Variants in MRC1 observed in about 807,000 individuals in gnomAD.
The protein encoded by MRC1 is macrophage mannose receptor 1.
In MRC1, 62 loss-of-function variants were observed where a neutral mutation model predicts 102.9. The observed-to-expected ratio is 0.60, with a 90% CI of 0.49 to 0.74. The LOEUF (loss-of-function observed/expected upper bound fraction) is 0.74. MRC1 is among the 30% of genes least tolerant of loss of function. The pLI is 0.00. For missense variants in MRC1, 1,237 were observed against 862.8 expected, an observed-to-expected ratio of 1.43 and a Z score of -5.43; for synonymous variants, 457 against 298.4, an observed-to-expected ratio of 1.53 and a Z score of -5.48.
At chr10:17,870,065 A>G (rs35197755) in intron 12 of MRC1, among the ~76,000 whole-genome samples, 181 bp from the exon 13 acceptor site, 3,751 of 152,276 alleles carry the variant, frequency 0.025, 155 homozygotes, top group East Asian at 0.22. Context: ...GAATCCCCCA[A>G]GTTTTGTTAC....
intron 25 of MRC1, among the ~76,000 whole-genome samples, chr10:17,901,411 G>A (rs1255620601): frequency 1.3e-5 from 2 of 152,184 alleles, no homozygotes; most frequent in South Asian, 2.1e-4. Context: ...TCTTTGGGCC[G>A]GGTGCGGTGG....
intron 22 of MRC1, among the ~76,000 whole-genome samples, chr10:17,892,787 A>G (rs1362455337): frequency 2.6e-5 from 4 of 152,168 alleles, no homozygotes; most frequent in Admixed American, 1.3e-4. Flanking sequence ...TGAGGTGGGC[A>G]GTTCACGAGG....
intron 10 of MRC1, among the ~76,000 whole-genome samples, 155 bp downstream of exon 10, chr10:17,861,657 A>G (rs1833185530): frequency 6.6e-6 from 1 of 152,218 alleles, no homozygotes; most frequent in Non-Finnish European, 1.5e-5. Flanking sequence ...TCTTATTTGG[A>G]TTCTTCATTG....
intron 6 of MRC1, among the ~76,000 whole-genome samples, chr10:17,848,437 CA>C (rs1838859334): frequency 6.6e-6 from 1 of 152,158 alleles, no homozygotes; most frequent in African/African-American, 2.4e-5. Context: ...CATCTGCCTT[CA>C]AATGTCTTTA....
intron 5 of MRC1, among the ~76,000 whole-genome samples, chr10:17,844,495 C>T (rs1191620447): frequency 6.6e-6 from 1 of 152,182 alleles, no homozygotes; most frequent in African/African-American, 2.4e-5. Context: ...GCTGGGATTA[C>T]AGGCGTGAGC....
At position 17,910,475 on chromosome 10, in the gene MRC1, G is replaced by A. The variant is rs1833954527; in HGVS notation, c.*10G>A. ...ACACTCGGTCATCTAGTACCTCAAT[G>A]CGATTCTGAGATATTTGAATTTCAT... On this transcript the variant is annotated 3_prime_UTR_variant, in exon 30 of 30. Coordinates refer to ENST00000569591, the MANE Select transcript of MRC1 (RefSeq NM_002438.4). 1.0e-5 allele frequency: 8 copies of A among 780,606 alleles called. No individual in the cohort carries two copies. Among genetic ancestry groups the A allele is most frequent in the Non-Finnish European group, 7.2e-6 (3 of 417,946 alleles). The allele number at this position is 780,606 out of a possible 1,614,324, so 48.4% of individuals were successfully genotyped here. A position where few individuals can be genotyped will look rare whatever the true frequency, so the allele number is the denominator to read the frequency against.
At chr10:17,863,977 G>A (rs1307244627) in intron 11 of MRC1, among the ~76,000 whole-genome samples, 2 of 151,798 alleles carry the variant, frequency 1.3e-5, no homozygotes, top group African/African-American at 2.4e-5. Flanking sequence ...CTCAGTGGTC[G>A]CAAAGGTTTC....
chr10:17,863,944 A>G (rs1263384280), intron 11 of MRC1, among the ~76,000 whole-genome samples: 1 of 151,820 alleles, frequency 6.6e-6, no homozygotes, highest in South Asian at 2.1e-4. Flanking sequence ...GTCCTGGTCT[A>G]CTTAAAACCT....
At position 17,853,952 on chromosome 10, in the gene MRC1, T is replaced by TTG. The variant is rs1833036697; in HGVS notation, c.1407+829_1407+830insGT. Among the ~76,000 whole-genome samples, 524 of 151,978 alleles carry TTG rather than the reference T, an allele frequency of 3.4e-3. 4 individuals carry two copies. The highest frequency in any genetic ancestry group is 0.011 in the African/African-American group (438 of 41,434). On this transcript the variant is annotated intron_variant, in intron 8 of 29. Transcript: ENST00000569591. ...CACCTGTGGATATGAGGTTTTTTTT[T>TTG]TTGTTGTTGTTGTTGTTTGTTTGTT...
intron 7 of MRC1, among the ~76,000 whole-genome samples, chr10:17,850,576 G>GA (rs1173647355): frequency 6.6e-6 from 1 of 152,172 alleles, no homozygotes; most frequent in African/African-American, 2.4e-5. Context: ...AGCGGCTTGA[G>GA]AAACAGCATA....
chr10:17,892,885 C>A (rs1422555199), intron 22 of MRC1, among the ~76,000 whole-genome samples: 2 of 152,008 alleles, frequency 1.3e-5, no homozygotes, highest in Non-Finnish European at 2.9e-5. Context: ...TGGCACACGC[C>A]TGTAGTCCCA....
rs1554841307 is a variant in MRC1 at position 17,863,584 on chromosome 10, A to T, written c.1685A>T (p.Tyr562Phe). The T allele has an allele frequency of 2.6e-6, 2 of 780,722 alleles. No individual in the cohort carries two copies. Among genetic ancestry groups the T allele is most frequent in the African/African-American group, 3.4e-5 (2 of 59,122 alleles). The allele number at this position is 780,722 out of a possible 1,614,324, so 48.4% of individuals were successfully genotyped here. A position where few individuals can be genotyped will look rare whatever the true frequency, so the allele number is the denominator to read the frequency against. Reference sequence around the variant, plus strand: ...TTCGTTGGCTTAAGGCCTGAAAAATATTTCTGGACAGGACTTTCAGATATA... The same window carrying T: ...TTCGTTGGCTTAAGGCCTGAAAAATTTTTCTGGACAGGACTTTCAGATATA... Reference protein sequence around the residue: ...TSFVGLRPEKYFWTGLSDIQT... With the variant: ...TSFVGLRPEKFFWTGLSDIQT... The change falls in exon 11 of 30, where the codon TAT (tyrosine) becomes TTT (phenylalanine). Residue 562 changes from tyrosine to phenylalanine, a missense_variant. Tyr to Phe is a conservative substitution (Grantham distance 22). Coordinates refer to ENST00000569591, the MANE Select transcript of MRC1 (RefSeq NM_002438.4).
intron 22 of MRC1, among the ~76,000 whole-genome samples, chr10:17,891,845 C>T (rs1311009761): frequency 6.6e-6 from 1 of 152,086 alleles, no homozygotes; most frequent in Non-Finnish European, 1.5e-5. Flanking sequence ...GCTGTATCTG[C>T]CTGTTATCAT....
intron 2 of MRC1, among the ~76,000 whole-genome samples, chr10:17,824,774 G>T (rs943448434): frequency 6.6e-6 from 1 of 152,200 alleles, no homozygotes; most frequent in African/African-American, 2.4e-5. Flanking sequence ...GAAGATTGGC[G>T]CTAAGAAATC....
chr10:17,813,661 A>G (rs1838259275), intron 1 of MRC1, among the ~76,000 whole-genome samples: 1 of 126,946 alleles, frequency 7.9e-6, no homozygotes, highest in South Asian at 2.7e-4. Flanking sequence ...ATATATATAT[A>G]TACACACACA....
intron 1 of MRC1, 113 bp from the exon 2 acceptor site, chr10:17,822,961 T>C (rs981644441): frequency 2.8e-6 from 2 of 709,406 alleles, no homozygotes; most frequent in Admixed American, 2.1e-5. Context: ...CTTAAGTCTT[T>C]AGGGAAATGG....
At chr10:17,878,634 A>C (rs1017451621) in intron 18 of MRC1, among the ~76,000 whole-genome samples, 1 of 151,996 alleles carries the variant, frequency 6.6e-6, no homozygotes, top group African/African-American at 2.4e-5. Context: ...GTCATCTTTG[A>C]GCAATAGAGA....
At chr10:17,836,928 G>T (rs1334489638) in intron 4 of MRC1, among the ~76,000 whole-genome samples, 1 of 152,120 alleles carries the variant, frequency 6.6e-6, no homozygotes, top group Non-Finnish European at 1.5e-5. Flanking sequence ...TGTGTTTTTG[G>T]TTTTTGTGTT....
At chr10:17,816,552 TG>T (rs1838316130) in intron 1 of MRC1, among the ~76,000 whole-genome samples, 1 of 152,182 alleles carries the variant, frequency 6.6e-6, no homozygotes, top group Non-Finnish European at 1.5e-5. Flanking sequence ...ATTCGTTTTC[TG>T]ACCCATCTAA....
Sources: allele counts gnomAD v4.1 joint callset (sites outside exome capture counted in the v4.1 genomes callset), GRCh38; gene constraint gnomAD v4.1.1; transcripts MANE v1.5; gene names NCBI Gene and HGNC (gene_info 2026-07-23, HGNC 2026-07-21).